Variants in DLGAP2 observed in about 807,000 individuals in gnomAD.
The protein encoded by DLGAP2 is disks large-associated protein 2.
Under a neutral mutation model 100.3 loss-of-function variants are expected in DLGAP2, and 26 were observed. The observed-to-expected ratio is 0.26, with a 90% confidence interval of 0.19 to 0.36. The LOEUF (loss-of-function observed/expected upper bound fraction) is 0.36, where lower values mean the gene tolerates loss of function less well. DLGAP2 is among the 10% of genes least tolerant of loss of function. The pLI, the probability that DLGAP2 is intolerant of heterozygous loss-of-function variation, is 1.00. For missense variants in DLGAP2, 1,858 were observed against 1,453.2 expected (o/e 1.28, Z -4.53); for synonymous variants, 886 against 630.1 (o/e 1.41, Z -6.08).
At chr8:1,630,174 A>C (rs570359781) in intron 7 of DLGAP2, among the ~76,000 whole-genome samples, 1 of 152,334 alleles carries the variant, frequency 6.6e-6, no homozygotes, top group Non-Finnish European at 1.5e-5. Flanking sequence ...TAATCCTGGA[A>C]TGCTGGTAGT....
At chr8:1,290,360 G>A (rs1800031666) in intron 3 of DLGAP2, among the ~76,000 whole-genome samples, 1 of 152,198 alleles carries the variant, frequency 6.6e-6, no homozygotes, top group African/African-American at 2.4e-5. Context: ...CTTTACAAAT[G>A]GTGCCTACAT....
intron 2 of DLGAP2, among the ~76,000 whole-genome samples, chr8:932,007 T>A (rs1204566878): frequency 6.6e-6 from 1 of 152,178 alleles, no homozygotes; most frequent in African/African-American, 2.4e-5. Flanking sequence ...TTTCTTTTAT[T>A]TGAGGAATGT....
At chr8:1,118,816 C>T (rs1795963153) in intron 2 of DLGAP2, among the ~76,000 whole-genome samples, 1 of 152,158 alleles carries the variant, frequency 6.6e-6, no homozygotes, top group Non-Finnish European at 1.5e-5. Context: ...CATGGCTGTA[C>T]TTCCTGGAAT....
chr8:1,592,714 T>C (rs1198082305), intron 6 of DLGAP2, among the ~76,000 whole-genome samples: 2 of 152,230 alleles, frequency 1.3e-5, no homozygotes, highest in African/African-American at 4.8e-5. Flanking sequence ...TTTTATCTTC[T>C]GTGTTTTCTC....
At chr8:1,632,122 G>C (rs892332423) in intron 7 of DLGAP2, among the ~76,000 whole-genome samples, 11 of 151,754 alleles carry the variant, frequency 7.2e-5, no homozygotes, top group African/African-American at 2.7e-4. Context: ...GGGAGGATGG[G>C]AGGGAGGGGA....
At chr8:791,262 T>C (rs1217636129) in intron 1 of DLGAP2, among the ~76,000 whole-genome samples, 1 of 152,220 alleles carries the variant, frequency 6.6e-6, no homozygotes. Flanking sequence ...TCTGAGTGAA[T>C]GAACCTCACT....
chr8:1,019,629 T>C (rs1236023900), intron 2 of DLGAP2: 8 of 129,818 alleles, frequency 6.2e-5, no homozygotes, highest in Non-Finnish European at 1.7e-5. Flanking sequence ...GTGGGGACTG[T>C]GGCTTATTCA....
intron 2 of DLGAP2, among the ~76,000 whole-genome samples, chr8:985,521 G>C (rs1333221078): frequency 1.3e-5 from 2 of 152,188 alleles, no homozygotes; most frequent in African/African-American, 4.8e-5. Context: ...TGCTTAGCAA[G>C]TATATGTGAT....
At chr8:1,194,467 G>A (rs1797707861) in intron 2 of DLGAP2, among the ~76,000 whole-genome samples, 1 of 152,160 alleles carries the variant, frequency 6.6e-6, no homozygotes, top group African/African-American at 2.4e-5. Flanking sequence ...GGACGGCAGA[G>A]CTTCCCTCAG....
intron 3 of DLGAP2, chr8:1,300,238 A>G (rs1459085069): frequency 1.3e-5 from 2 of 151,574 alleles, no homozygotes; most frequent in African/African-American, 2.4e-5. Context: ...ATATGTGTAC[A>G]ATGTGTAGAT....
At chr8:1,197,185 C>G (rs552078331) in intron 2 of DLGAP2, among the ~76,000 whole-genome samples, 1 of 152,360 alleles carries the variant, frequency 6.6e-6, no homozygotes, top group Non-Finnish European at 1.5e-5. Context: ...CACAGACACA[C>G]ACGGAAGTCA....
intron 6 of DLGAP2, among the ~76,000 whole-genome samples, chr8:1,599,519 C>G (rs1796559365): frequency 6.6e-6 from 1 of 152,160 alleles, no homozygotes; most frequent in Admixed American, 6.5e-5. Context: ...TCTCTAAGAA[C>G]TTGATTTATG....
chr8:1,135,640 C>T (rs767401027), intron 2 of DLGAP2, among the ~76,000 whole-genome samples: 4 of 151,008 alleles, frequency 2.6e-5, no homozygotes, highest in African/African-American at 2.4e-5. Flanking sequence ...TTCCTCACTG[C>T]CTTGCGGCAT....
At chr8:756,171 T>C (rs1023318101) in intron 1 of DLGAP2, among the ~76,000 whole-genome samples, 1 of 151,678 alleles carries the variant, frequency 6.6e-6, no homozygotes, top group African/African-American at 2.4e-5. Flanking sequence ...GATGAGCGGG[T>C]TGGGGCCACG....
intron 3 of DLGAP2, among the ~76,000 whole-genome samples, chr8:1,363,867 G>A (rs958008191): frequency 2.0e-5 from 3 of 152,124 alleles, no homozygotes; most frequent in Non-Finnish European, 4.4e-5. Flanking sequence ...ACGTCTCTGG[G>A]AGGCCTCTTC....
At chr8:1,328,128 C>T (rs539698824) in intron 3 of DLGAP2, among the ~76,000 whole-genome samples, 33 of 152,158 alleles carry the variant, frequency 2.2e-4, no homozygotes, top group African/African-American at 7.7e-4. Flanking sequence ...CATACTCCAC[C>T]TCCCAGGTTC....
chr8:889,203 A>G (rs2128995202), intron 1 of DLGAP2, among the ~76,000 whole-genome samples: 1 of 152,324 alleles, frequency 6.6e-6, no homozygotes, highest in Non-Finnish European at 1.5e-5. Context: ...AAATGTCATC[A>G]GTTAAGGCAG....
intron 2 of DLGAP2, among the ~76,000 whole-genome samples, chr8:972,517 A>G (rs992394746): frequency 3.9e-5 from 6 of 152,270 alleles, no homozygotes; most frequent in African/African-American, 1.4e-4. Context: ...TTGATGGTCT[A>G]ATCATTAGAC....
intron 2 of DLGAP2, among the ~76,000 whole-genome samples, chr8:934,426 G>A (rs1799022276): frequency 6.6e-6 from 1 of 152,194 alleles, no homozygotes; most frequent in Non-Finnish European, 1.5e-5. Flanking sequence ...AGTGGGAACG[G>A]CAGCCTGTCG....
Sources: gnomAD v4.1 joint callset for allele counts (sites outside exome capture counted in the v4.1 genomes callset) on GRCh38, gnomAD v4.1.1 for gene constraint, MANE v1.5 for transcripts, NCBI Gene and HGNC (gene_info 2026-07-23, HGNC 2026-07-21) for gene names.